USP44: variants seen among roughly 807,000 people sequenced by gnomAD.
USP44 encodes ubiquitin specific peptidase 44.
Under a neutral mutation model 69.0 loss-of-function variants are expected in USP44, and 61 were observed. The observed-to-expected ratio is 0.88, with a 90% CI of 0.72 to 1.09. USP44 has a LOEUF of 1.09. USP44 is among the 50% of genes least tolerant of loss of function. The pLI is 0.00. For missense variants in USP44, 753 were observed against 849.9 expected, an observed-to-expected ratio of 0.89 and a Z score of 1.42; for synonymous variants, 297 against 295.4, an observed-to-expected ratio of 1.01 and a Z score of -0.06.
chr12:95,541,225 G>A (rs539800971), intron 1 of USP44, among the ~76,000 whole-genome samples: 6 of 152,232 alleles, frequency 3.9e-5, no homozygotes, highest in African/African-American at 9.6e-5. Context: ...GCAGTGAGCC[G>A]AGATGGCGCC....
At chr12:95,541,255 G>A (rs1227793104) in intron 1 of USP44, among the ~76,000 whole-genome samples, 2 of 152,114 alleles carry the variant, frequency 1.3e-5, no homozygotes, top group Non-Finnish European at 2.9e-5. Flanking sequence ...CAGCCTGGGC[G>A]ACAGAGTGAA....
chr12:95,522,882 G>C (rs149666785), intron 4 of USP44, among the ~76,000 whole-genome samples: 1 of 151,434 alleles, frequency 6.6e-6, no homozygotes, highest in African/African-American at 2.4e-5. Flanking sequence ...TCACAGGAAA[G>C]ACCCGGGAAT....
chr12:95,526,335 G>A (rs1475555171), intron 3 of USP44, among the ~76,000 whole-genome samples: 1 of 152,216 alleles, frequency 6.6e-6, no homozygotes. Context: ...CGCTTTGGAA[G>A]GCAGAGGCGG....
intron 1 of USP44, among the ~76,000 whole-genome samples, chr12:95,541,873 CAT>C (rs1491265391): frequency 7.9e-5 from 11 of 140,110 alleles, no homozygotes; most frequent in Non-Finnish European, 1.4e-4. Flanking sequence ...ATATCATCTC[CAT>C]TTTTTTTTTT....
chr12:95,531,202 T>C lies in USP44; in HGVS notation c.1428+1627A>G, dbSNP rs534699381. On this transcript the variant is annotated intron_variant, in intron 2 of 5. Coordinates refer to ENST00000258499, the MANE Select transcript of USP44 (RefSeq NM_032147.5). ...CAAAAACAAAAAAAAACATATGATG[T>C]TAAATAGCAGACATATACCAAAAAA... Among the ~76,000 whole-genome samples the C allele has an allele frequency of 2.0e-5, 3 of 151,890 alleles. No homozygotes were observed. In the East Asian group the frequency reaches 5.8e-4, roughly 29 times the overall value.
chr12:95,546,740 C>A (rs193121624), intron 1 of USP44: 4 of 152,232 alleles, frequency 2.6e-5, no homozygotes, highest in African/African-American at 9.6e-5. Context: ...TACCAAGAAG[C>A]CAAATTTCTG....
chr12:95,550,043 G>A (rs1036060493), intron 1 of USP44, among the ~76,000 whole-genome samples: 8 of 152,186 alleles, frequency 5.3e-5, no homozygotes, highest in South Asian at 2.1e-4. Context: ...TCCGGGCCTG[G>A]TGGCGGGCAC....
At chr12:95,536,523 A>G (rs1055809798) in intron 1 of USP44, among the ~76,000 whole-genome samples, 4 of 152,154 alleles carry the variant, frequency 2.6e-5, no homozygotes, top group African/African-American at 9.7e-5. Flanking sequence ...ATCTTTCTGT[A>G]CTGAGGCAAG....
chr12:95,532,475 C>A (rs2077052384), intron 2 of USP44, among the ~76,000 whole-genome samples: 1 of 151,916 alleles, frequency 6.6e-6, no homozygotes, highest in Non-Finnish European at 1.5e-5. Flanking sequence ...GCCATGTGCA[C>A]CATTTTCATC....
intron 3 of USP44, among the ~76,000 whole-genome samples, chr12:95,526,824 A>T (rs1052931979): frequency 6.6e-6 from 1 of 152,244 alleles, no homozygotes; most frequent in Non-Finnish European, 1.5e-5. Flanking sequence ...AAACTATAGC[A>T]TAGTTTACTA....
rs61733460 is a variant in USP44, at chr12:95,533,170, C to T, written c.1087G>A (p.Gly363Ser). The T allele has an allele frequency of 1.3e-3, 2,070 of 1,614,146 alleles. 25 individuals carry two copies. The African/African-American group carries it at 0.024, about 19-fold the overall frequency. ...SSGLSGGASK[G>S]RKMELIQPKE... The stretch of plus-strand genomic sequence containing the variant: ...GGCTGAATAAGTTCCATCTTTCTAC[C>T]TTTTGATGCTCCACCACTTAGTCCT... The change falls in exon 2 of 6, where the codon GGT (glycine) becomes AGT (serine). Residue 363 changes from glycine to serine, a missense_variant. By Grantham distance (56) the Gly-to-Ser change is moderately conservative (BLOSUM62 0). Coordinates refer to ENST00000258499, the MANE Select transcript of USP44 (RefSeq NM_032147.5).
At chr12:95,523,812 G>A (rs1450403533) in intron 4 of USP44, among the ~76,000 whole-genome samples, 1 of 151,846 alleles carries the variant, frequency 6.6e-6, no homozygotes, top group Non-Finnish European at 1.5e-5. Context: ...GGCACACACA[G>A]GGGACATCAA....
At chr12:95,527,940 G>A (rs2076902865) in intron 3 of USP44, among the ~76,000 whole-genome samples, 1 of 149,068 alleles carries the variant, frequency 6.7e-6, no homozygotes, top group African/African-American at 2.5e-5. Context: ...CTGGGTTCAA[G>A]CAATTCTCCT....
chr12:95,543,604 C>A (rs2077466882), intron 1 of USP44, among the ~76,000 whole-genome samples: 1 of 151,790 alleles, frequency 6.6e-6, no homozygotes, highest in Admixed American at 6.6e-5. Flanking sequence ...ACTATAGTCC[C>A]CAGCTACTTG....
rs1444240367 is a variant in USP44, at chr12:95,533,812, CA to C, written c.444del (p.Ala149LeufsTer9). The C allele has an allele frequency of 6.2e-7, 1 of 1,614,034 alleles. No individual in the cohort carries two copies. Among genetic ancestry groups the C allele is most frequent in the African/African-American group, 1.3e-5 (1 of 74,910 alleles). On this transcript the variant is annotated frameshift_variant, in exon 2 of 6. Transcript: ENST00000258499. LOFTEE classifies it high-confidence loss of function. ...AGTATCCTTCTCCTGTGCCAAAGAG[CA>C]GTATACAGTTGATCTTCACTTTGAA... is the stretch of plus-strand genomic sequence containing the variant. ...SLLQSEDQLY[T>X]ALWHRRRILM...
chr12:95,526,582 C>CAA (rs1379237066), intron 3 of USP44, among the ~76,000 whole-genome samples: 14 of 150,668 alleles, frequency 9.3e-5, no homozygotes, highest in African/African-American at 2.9e-4. Flanking sequence ...AAAAAAACAA[C>CAA]AAAAAAAAAC....
chr12:95,548,663 T>C lies in USP44; in HGVS notation c.-71+2609A>G, dbSNP rs1417069403. The C allele has an allele frequency of 6.6e-6, 1 of 151,836 alleles. No individual in the cohort carries two copies. Among genetic ancestry groups the C allele is most frequent in the East Asian group, 2.0e-4 (1 of 5,126 alleles). The allele number at this position is 151,836 out of a possible 1,614,324, so 9.4% of individuals were successfully genotyped here. ...CCCCCAGCGCCCTGCGCGGCGAGAA[T>C]AGGCCCCCAGGTGCCTCCCGGCCCC... On this transcript the variant is annotated intron_variant, in intron 1 of 5. Coordinates refer to ENST00000258499, the MANE Select transcript of USP44 (RefSeq NM_032147.5). The surrounding 1 kb of genome is among the most constrained non-coding windows in gnomAD (Gnocchi z 4.1).
intron 1 of USP44, among the ~76,000 whole-genome samples, chr12:95,542,497 G>A (rs561791256): frequency 6.6e-5 from 10 of 152,284 alleles, no homozygotes; most frequent in Admixed American, 2.6e-4. Context: ...CAGGCACAGT[G>A]GCTTACGCTT....
In USP44 at chr12:95,517,313, A is replaced by C. The variant is rs937767963; in HGVS notation, c.*841T>G. Reference sequence around the variant, plus strand: ...CCTTTGAACTAAAAAAAATACATAAAGTTTTAAGAGATCTAATGTCATCAG... The same window carrying C: ...CCTTTGAACTAAAAAAAATACATAACGTTTTAAGAGATCTAATGTCATCAG... On this transcript the variant is annotated 3_prime_UTR_variant, in exon 6 of 6. Coordinates refer to ENST00000258499, the MANE Select transcript of USP44 (RefSeq NM_032147.5). 5.3e-5 allele frequency: 8 copies of C among 152,136 alleles called. No individual in the cohort carries two copies. Among genetic ancestry groups the C allele is most frequent in the Non-Finnish European group, 1.0e-4 (7 of 68,020 alleles). The allele number at this position is 152,136 out of a possible 1,614,324, so 9.4% of individuals were successfully genotyped here.
Sources: gnomAD v4.1 joint callset for allele counts (sites outside exome capture counted in the v4.1 genomes callset) on GRCh38, gnomAD v4.1.1 for gene constraint, Gnocchi (gnomAD v3.1) non-coding constraint, MANE v1.5 for transcripts, NCBI Gene and HGNC (gene_info 2026-07-23, HGNC 2026-07-21) for gene names.